CSMD1: variants seen among roughly 807,000 people sequenced by gnomAD.
CSMD1 encodes the protein CUB and Sushi multiple domains 1.
A neutral mutation model predicts 417.5 loss-of-function variants in CSMD1; 213 were observed. The observed-to-expected ratio is 0.51, with a 90% CI of 0.46 to 0.57. The LOEUF (loss-of-function observed/expected upper bound fraction) is 0.57. CSMD1 is among the 20% of genes least tolerant of loss of function. CSMD1 has a pLI of 0.00. For missense variants in CSMD1, 6,923 were observed against 4,529.7 expected, an observed-to-expected ratio of 1.53 and a Z score of -15.17; for synonymous variants, 2,862 against 1,736.8, an observed-to-expected ratio of 1.65 and a Z score of -16.11.
At position 4,568,754 on chromosome 8, in the gene CSMD1, C is replaced by T. The variant is rs184360486; in HGVS notation, c.302+68588G>A. 3.3e-3 allele frequency among the ~76,000 whole-genome samples: 502 copies of T among 152,246 alleles called. 3 individuals are homozygous for T. Among genetic ancestry groups the T allele is most frequent in the African/African-American group, 0.011 (449 of 41,544 alleles). On this transcript the variant is annotated intron_variant, in intron 2 of 69. Coordinates refer to ENST00000635120, the MANE Select transcript of CSMD1 (RefSeq NM_033225.6). Reference sequence around the variant, plus strand: ...TCCCACCAACAGTGTAAAAGCGCTCCTAATTCTCCATAACCTCTCCAGCAT... The same window carrying T: ...TCCCACCAACAGTGTAAAAGCGCTCTTAATTCTCCATAACCTCTCCAGCAT...
At chr8:4,142,371 T>C (rs181225852) in intron 3 of CSMD1, among the ~76,000 whole-genome samples, 2 of 151,066 alleles carry the variant, frequency 1.3e-5, no homozygotes, top group Admixed American at 6.6e-5. Flanking sequence ...AGGCAAATAT[T>C]AGAGGCCTCA....
At chr8:4,071,898 A>T (rs986493068) in intron 3 of CSMD1, among the ~76,000 whole-genome samples, 1 of 152,234 alleles carries the variant, frequency 6.6e-6, no homozygotes, top group South Asian at 2.1e-4. Context: ...AATCTGCTCC[A>T]CTTAGGCATA....
intron 2 of CSMD1, among the ~76,000 whole-genome samples, chr8:4,467,179 G>T (rs528642328): frequency 6.7e-6 from 1 of 149,176 alleles, no homozygotes; most frequent in East Asian, 2.0e-4. Context: ...AACTCGTTCT[G>T]TAAACAATGT....
intron 3 of CSMD1, among the ~76,000 whole-genome samples, chr8:4,354,868 G>C (rs1243821391): frequency 2.0e-5 from 2 of 102,302 alleles, no homozygotes; most frequent in Admixed American, 1.7e-4. Context: ...AAAATGTAGT[G>C]TGTGTGTGTG....
chr8:3,097,798 T>C (rs572053406), intron 46 of CSMD1, among the ~76,000 whole-genome samples: 2 of 152,266 alleles, frequency 1.3e-5, no homozygotes, highest in East Asian at 3.9e-4. Flanking sequence ...TAGTAATATT[T>C]AAACGTTCGA....
chr8:3,732,432 C>G (rs533402628), intron 6 of CSMD1, among the ~76,000 whole-genome samples: 2 of 152,060 alleles, frequency 1.3e-5, no homozygotes, highest in East Asian at 1.9e-4. Context: ...CCAAGTCATA[C>G]TGGAAGGACT....
chr8:4,484,416 G>A (rs138346046), intron 2 of CSMD1, among the ~76,000 whole-genome samples: 9 of 152,210 alleles, frequency 5.9e-5, no homozygotes, highest in African/African-American at 2.2e-4. Flanking sequence ...AGAACCAGAA[G>A]ACACAGAGAG....
intron 57 of CSMD1, among the ~76,000 whole-genome samples, chr8:2,967,670 T>C (rs1804087789): frequency 6.6e-6 from 1 of 152,198 alleles, no homozygotes. Flanking sequence ...ATATATATCA[T>C]GAGACTGCCT....
At chr8:3,623,097 A>G (rs1158925017) in intron 7 of CSMD1, among the ~76,000 whole-genome samples, 1 of 152,234 alleles carries the variant, frequency 6.6e-6, no homozygotes, top group African/African-American at 2.4e-5. Flanking sequence ...AATATTAAAG[A>G]AAGATATGTA....
intron 37 of CSMD1, among the ~76,000 whole-genome samples, chr8:3,167,627 G>C (rs538311214): frequency 3.3e-5 from 5 of 152,290 alleles, no homozygotes; most frequent in African/African-American, 1.2e-4. Context: ...ATTGCAATTA[G>C]ATGTAGAATG....
At chr8:3,977,867 A>C (rs547896093) in intron 5 of CSMD1, among the ~76,000 whole-genome samples, 1 of 152,366 alleles carries the variant, frequency 6.6e-6, no homozygotes, top group South Asian at 2.1e-4. Context: ...AAATAGGCTG[A>C]GAATAAATTT....
intron 3 of CSMD1, among the ~76,000 whole-genome samples, chr8:4,396,253 G>T (rs1252405528): frequency 6.6e-6 from 1 of 151,714 alleles, no homozygotes; most frequent in African/African-American, 2.4e-5. Context: ...CTTGAGCCCA[G>T]GTGTTTGAGA....
chr8:4,058,025 T>C (rs1481339312), intron 3 of CSMD1, among the ~76,000 whole-genome samples: 1 of 151,618 alleles, frequency 6.6e-6, no homozygotes, highest in Non-Finnish European at 1.5e-5. Context: ...GGGCTCTTTT[T>C]TGGTTCCATA....
chr8:3,218,859 C>A (rs1270103934), intron 29 of CSMD1, among the ~76,000 whole-genome samples: 7 of 151,132 alleles, frequency 4.6e-5, no homozygotes, highest in African/African-American at 7.3e-5. Flanking sequence ...GCAACAAGAG[C>A]AAAACTCTGT....
At chr8:4,360,621 C>A (rs1276721223) in intron 3 of CSMD1, among the ~76,000 whole-genome samples, 1 of 148,848 alleles carries the variant, frequency 6.7e-6, no homozygotes, top group Non-Finnish European at 1.5e-5. Context: ...TCCAGAGTAG[C>A]TGAGACTACA....
intron 26 of CSMD1, among the ~76,000 whole-genome samples, chr8:3,267,668 G>T (rs770765278): frequency 1.2e-4 from 18 of 152,244 alleles, no homozygotes; most frequent in Admixed American, 6.5e-4. Flanking sequence ...TGAGGAAGCA[G>T]GGATGGAAAG....
chr8:4,714,413 A>G (rs896757793), intron 1 of CSMD1, among the ~76,000 whole-genome samples: 3 of 152,346 alleles, frequency 2.0e-5, no homozygotes, highest in African/African-American at 7.2e-5. Flanking sequence ...AAAGACAAAA[A>G]TAAAATCTCC....
chr8:3,831,719 A>G (rs1585060206), intron 5 of CSMD1, among the ~76,000 whole-genome samples: 2 of 152,196 alleles, frequency 1.3e-5, no homozygotes, highest in Admixed American at 6.5e-5. Context: ...TACTATTGAA[A>G]AAGAATAGGT....
chr8:4,011,958 T>C (rs1396068046), intron 4 of CSMD1, among the ~76,000 whole-genome samples: 3 of 152,100 alleles, frequency 2.0e-5, no homozygotes, highest in Non-Finnish European at 2.9e-5. Flanking sequence ...TCTCCATTAT[T>C]TATAATACCA....
Sources: gnomAD v4.1 joint callset for allele counts (sites outside exome capture counted in the v4.1 genomes callset) on GRCh38, gnomAD v4.1.1 for gene constraint, MANE v1.5 for transcripts, NCBI Gene and HGNC (gene_info 2026-07-23, HGNC 2026-07-21) for gene names.